The following CPM variants were observed in gnomAD, a reference collection of about 807,000 sequenced individuals.
CPM encodes renal carboxypeptidase.
In CPM, 35 loss-of-function variants were observed where a neutral mutation model predicts 46.4. The observed-to-expected ratio is 0.75, with a 90% CI of 0.58 to 1.00. The LOEUF is 1.00. Among genes scored for constraint, CPM ranks in the 50% least tolerant of loss-of-function variants. CPM has a pLI of 0.00. For missense variants in CPM, 422 were observed against 530.4 expected, an observed-to-expected ratio of 0.80 and a Z score of 2.01; for synonymous variants, 195 against 195.3, an observed-to-expected ratio of 1.00 and a Z score of 0.01.
chr12:68,876,905 T>G (rs925716224), intron 3 of CPM, among the ~76,000 whole-genome samples: 3 of 119,574 alleles, frequency 2.5e-5, no homozygotes, highest in Non-Finnish European at 5.9e-5. Flanking sequence ...TGTGTGTGTG[T>G]GTGTGTGTGT....
rs530511861 is a variant in CPM at position 68,891,627 on chromosome 12, A to G, written c.161-5738T>C. Among the ~76,000 whole-genome samples, 7 of 152,354 alleles carry G rather than the reference A, an allele frequency of 4.6e-5. No individual in the cohort carries two copies. The South Asian group carries it at 1.5e-3, about 32-fold the overall frequency. On this transcript the variant is annotated intron_variant, in intron 2 of 8. Coordinates refer to ENST00000551568, the MANE Select transcript of CPM (RefSeq NM_198320.5). ...TGGTCATGGTACCAAGAGTATCAGT[A>G]TCACCTGGGAACTAGTTAGAACTGC...
chr12:68,958,864 C>G (rs967175079), intron 1 of CPM, among the ~76,000 whole-genome samples: 2 of 152,148 alleles, frequency 1.3e-5, no homozygotes, highest in African/African-American at 2.4e-5. Context: ...CCACACGTGC[C>G]CTGAACACAC....
intron 2 of CPM, among the ~76,000 whole-genome samples, chr12:68,918,778 C>G (rs1416414994): frequency 2.0e-5 from 3 of 152,232 alleles, no homozygotes; most frequent in African/African-American, 7.2e-5. Context: ...GCCAGGACTA[C>G]TGTAACTGGA....
chr12:68,869,314 G>C lies in CPM; in HGVS notation c.787+11C>G, dbSNP rs1885588037. On this transcript the variant is annotated intron_variant, in intron 6 of 8. Coordinates refer to ENST00000551568, the MANE Select transcript of CPM (RefSeq NM_198320.5). Reference sequence around the variant, plus strand: ...CAATAAGGAGAATGGAAGAAATGAAGAGAAACTCACCTTGGAGTGGATACC... The same window carrying C: ...CAATAAGGAGAATGGAAGAAATGAACAGAAACTCACCTTGGAGTGGATACC... 1 of 1,608,284 alleles carries C rather than the reference G, an allele frequency of 6.2e-7. No homozygotes were observed. The highest frequency in any genetic ancestry group is 1.7e-5 in the Admixed American group (1 of 57,842).
chr12:68,926,314 T>C (rs187806813), intron 2 of CPM, among the ~76,000 whole-genome samples: 3 of 152,274 alleles, frequency 2.0e-5, no homozygotes, highest in African/African-American at 7.2e-5. Flanking sequence ...TGAAATATTT[T>C]CCTTTTTTGT....
At chr12:68,894,936 T>C (rs1313297717) in intron 2 of CPM, among the ~76,000 whole-genome samples, 1 of 145,622 alleles carries the variant, frequency 6.9e-6, no homozygotes, top group Non-Finnish European at 1.5e-5. Context: ...GGCTGAGGCA[T>C]GAGAATCACT....
At chr12:68,940,904 CTA>C (rs1424084709) in intron 1 of CPM, among the ~76,000 whole-genome samples, 2 of 152,076 alleles carry the variant, frequency 1.3e-5, no homozygotes, top group Non-Finnish European at 2.9e-5. Flanking sequence ...TGTGTTAACT[CTA>C]TGCACACTGT....
intron 6 of CPM, among the ~76,000 whole-genome samples, chr12:68,868,198 C>G (rs1411707496): frequency 6.6e-6 from 1 of 152,154 alleles, no homozygotes; most frequent in Non-Finnish European, 1.5e-5. Context: ...TTGTGGAGAG[C>G]AGGGACGATG....
intron 1 of CPM, among the ~76,000 whole-genome samples, chr12:68,954,368 T>G (rs1307604535): frequency 6.6e-6 from 1 of 152,168 alleles, no homozygotes; most frequent in Non-Finnish European, 1.5e-5. Flanking sequence ...GAGCACGTAT[T>G]TTGTCTGCCT....
At chr12:68,878,733 CCT>C (rs568249022) in intron 3 of CPM, among the ~76,000 whole-genome samples, 188 of 152,296 alleles carry the variant, frequency 1.2e-3, no homozygotes, top group African/African-American at 4.4e-3. Context: ...TCGCAATTCC[CCT>C]GTCTTGATAA....
downstream of CPM, chr12:68,849,092 C>T (rs1884523337): frequency 7.1e-6 from 1 of 140,890 alleles, no homozygotes; most frequent in South Asian, 2.1e-4. Context: ...AACGGTAGAC[C>T]CTTTTTTTTT....
chr12:68,871,721 G>A (rs1239073353), intron 4 of CPM, 63 bp downstream of exon 4: 9 of 1,564,882 alleles, frequency 5.8e-6, no homozygotes, highest in Non-Finnish European at 7.0e-6. Context: ...AGGCCAACAG[G>A]TGCCTGTCGG....
chr12:68,866,968 C>T lies in CPM; in HGVS notation c.868G>A (p.Glu290Lys). The T allele has an allele frequency of 6.2e-7, 1 of 1,614,152 alleles. No individual in the cohort carries two copies. Reference sequence around the variant, plus strand: ...TTCCAAAAGGATGGAAGCTTCTCCTCACGAGGATATTTACAGCATGACAGC... The same window carrying T: ...TTCCAAAAGGATGGAAGCTTCTCCTTACGAGGATATTTACAGCATGACAGC... The part of the protein sequence containing the change: ...LELSCCKYPR[E>K]EKLPSFWNNN... Residue 290 changes from glutamate (E) to lysine (K), a missense_variant, in exon 7 of 9, where the codon GAG becomes AAG. Coordinates refer to ENST00000551568, the MANE Select transcript of CPM (RefSeq NM_198320.5).
downstream of CPM, chr12:68,851,080 A>G (rs896425493): frequency 6.6e-6 from 1 of 152,540 alleles, no homozygotes; most frequent in Admixed American, 6.5e-5. Flanking sequence ...GGTCTTTCCC[A>G]AGCTTTATTT....
intron 7 of CPM, among the ~76,000 whole-genome samples, chr12:68,862,507 T>C (rs12830591): frequency 1.4e-5 from 2 of 140,136 alleles, no homozygotes; most frequent in Non-Finnish European, 3.1e-5. Flanking sequence ...GTGCTGGGAT[T>C]ACAGGCCCAA....
downstream of CPM, chr12:68,849,236 TCCA>T (rs1381916281): frequency 6.8e-6 from 1 of 146,914 alleles, no homozygotes; most frequent in Non-Finnish European, 1.5e-5. Context: ...ATTACAGGGG[TCCA>T]CCACCACACC....
intron 2 of CPM, among the ~76,000 whole-genome samples, chr12:68,906,859 A>T (rs976498113): frequency 7.9e-5 from 12 of 152,366 alleles, no homozygotes; most frequent in Admixed American, 7.8e-4. Context: ...CCTGTGGTGC[A>T]TCCATGCATA....
At chr12:68,863,228 T>C (rs1885286507) in intron 7 of CPM, among the ~76,000 whole-genome samples, 1 of 152,136 alleles carries the variant, frequency 6.6e-6, no homozygotes, top group Non-Finnish European at 1.5e-5. Flanking sequence ...CCAGGTTGCT[T>C]AGGTTTCTGG....
At chr12:68,950,825 C>T (rs1888921962) in intron 1 of CPM, among the ~76,000 whole-genome samples, 1 of 152,216 alleles carries the variant, frequency 6.6e-6, no homozygotes, top group Admixed American at 6.5e-5. Context: ...ATCATGGGTT[C>T]CAGTCTGTCT....
Sources: gnomAD v4.1 joint callset for allele counts (sites outside exome capture counted in the v4.1 genomes callset) on GRCh38, gnomAD v4.1.1 for gene constraint, MANE v1.5 for transcripts, NCBI Gene and HGNC (gene_info 2026-07-23, HGNC 2026-07-21) for gene names.